The following NYNRIN variants were observed in gnomAD, a reference collection of about 807,000 sequenced individuals.
NYNRIN encodes the protein protein NYNRIN.
A neutral mutation model predicts 146.6 loss-of-function variants in NYNRIN; 86 were observed. The observed-to-expected ratio is 0.59, with a 90% confidence interval of 0.49 to 0.70. NYNRIN has a LOEUF of 0.70. NYNRIN is among the 30% of genes least tolerant of loss of function. The pLI, the probability that NYNRIN is intolerant of heterozygous loss-of-function variation, is 0.00. For missense variants in NYNRIN, 2,191 were observed against 2,377.7 expected (o/e 0.92, Z 1.63); for synonymous variants, 1,027 against 1,001.3 (o/e 1.03, Z -0.48).
At position 24,412,599 on chromosome 14, in the gene NYNRIN, A is replaced by G. The variant is rs2042919077; in HGVS notation, c.2643-398A>G. 2.1e-5 allele frequency: 4 copies of G among 192,768 alleles called. No individual in the cohort carries two copies. The South Asian group carries it at 3.8e-4, about 18-fold the overall frequency. The allele number at this position is 192,768 out of a possible 1,614,324, so 11.9% of individuals were successfully genotyped here. ...TAAAAGTATTATCTCATTCAGTTTA[A>G]TCCTCACAGCAACATGGGGTAGGTA... On this transcript the variant is annotated intron_variant, in intron 6 of 8. Transcript: ENST00000382554.
In NYNRIN at chr14:24,418,422, T is replaced by C. The variant is rs746043186; in HGVS notation, c.*976T>C. 16 of 372,028 alleles carry C rather than the reference T, an allele frequency of 4.3e-5. No individual in the cohort carries two copies. The highest frequency in any genetic ancestry group is 8.5e-5 in the Non-Finnish European group (16 of 188,478). The allele number at this position is 372,028 out of a possible 1,614,324, so 23.0% of individuals were successfully genotyped here. Reference sequence around the variant, plus strand: ...AGTCCTCTGCTCCTTCTACCTCCACTGTATCCTGCATCCCAGACCCTACAG... The same window carrying C: ...AGTCCTCTGCTCCTTCTACCTCCACCGTATCCTGCATCCCAGACCCTACAG... On this transcript the variant is annotated 3_prime_UTR_variant, in exon 9 of 9. Coordinates refer to ENST00000382554, the MANE Select transcript of NYNRIN (RefSeq NM_025081.3).
rs2042962495 is a variant in NYNRIN, at chr14:24,418,326, G to A, written c.*880G>A. On this transcript the variant is annotated 3_prime_UTR_variant, in exon 9 of 9. Transcript: ENST00000382554. Reference sequence around the variant, plus strand: ...TTAAGGGGGCAGGGCGTCTGCAACAGGAGTGGCACACGGTGAAGTGCTGGC... The same window carrying A: ...TTAAGGGGGCAGGGCGTCTGCAACAAGAGTGGCACACGGTGAAGTGCTGGC... The A allele has an allele frequency of 2.2e-6, 1 of 455,410 alleles. No individual in the cohort carries two copies. The highest frequency in any genetic ancestry group is 4.4e-6 in the Non-Finnish European group (1 of 226,378). The allele number at this position is 455,410 out of a possible 1,614,324, so 28.2% of individuals were successfully genotyped here. A position where few individuals can be genotyped will look rare whatever the true frequency, so the allele number is the denominator to read the frequency against.
rs764502613 is a variant in NYNRIN, at chr14:24,415,264, C to T, written c.3515C>T (p.Thr1172Met). Residue 1172 changes from threonine (T) to methionine (M), a missense_variant, in exon 9 of 9, where the codon ACG becomes ATG. Coordinates refer to ENST00000382554, the MANE Select transcript of NYNRIN (RefSeq NM_025081.3). The stretch of plus-strand genomic sequence containing the variant: ...GTGACCGTGAGCCACGTGGCCCTGA[C>T]GGCCATCCTCCATCAGGAGCACTCA... ...LEVTVSHVAL[T>M]AILHQEHSGR... The T allele has an allele frequency of 1.6e-5, 26 of 1,613,812 alleles. No homozygotes were observed. The highest frequency in any genetic ancestry group is 2.2e-5 in the East Asian group (1 of 44,870).
In NYNRIN at chr14:24,405,015, TGTGTGTGTGTGTGAGA is replaced by T. The variant is rs1452351793; in HGVS notation, c.199-2852_199-2837del. Among the ~76,000 whole-genome samples, 97 of 38,126 alleles carry T rather than the reference TGTGTGTGTGTGTGAGA, an allele frequency of 2.5e-3. 1 individual carries two copies. The highest frequency in any genetic ancestry group is 6.5e-3 in the African/African-American group (78 of 12,048). The allele number at this position is 38,126 out of a possible 152,430, so 25.0% of individuals were successfully genotyped here. ...AAGCCTGTGTGTGTGTGTGTGTGTGTGTGTGTGTGTGTGAGAGAATGTGTGTGTGTGAATGTGTGTG... is the reference window on the plus strand; with the variant it reads ...AAGCCTGTGTGTGTGTGTGTGTGTGTGAATGTGTGTGTGTGAATGTGTGTG... On this transcript the variant is annotated intron_variant, in intron 2 of 8. Coordinates refer to ENST00000382554, the MANE Select transcript of NYNRIN (RefSeq NM_025081.3).
At position 24,408,300 on chromosome 14, in the gene NYNRIN, C is replaced by A; in HGVS notation, c.630C>A (p.Gly210=). The change falls in exon 3 of 9, where the codon GGC becomes GGA. Residue 210 remains glycine, a synonymous_variant. Transcript: ENST00000382554. ...TCATCGAGTGGCTCAGCCGCTTCGG[C>A]ATCTCTGACTCCCACTCCGATCCGG... ...EDIIEWLSRF[G]ISDSHSDPEV... The A allele has an allele frequency of 1.2e-6, 2 of 1,613,168 alleles. No homozygotes were observed. Among genetic ancestry groups the A allele is most frequent in the Non-Finnish European group, 8.5e-7 (1 of 1,179,894 alleles).
At chr14:24,404,924 G>A (rs947277968) in intron 2 of NYNRIN, among the ~76,000 whole-genome samples, 9 of 151,808 alleles carry the variant, frequency 5.9e-5, no homozygotes, top group Admixed American at 3.3e-4. Flanking sequence ...GATCAACCTC[G>A]ACTCCTAAGA....
rs1193417040 is a variant in NYNRIN at position 24,408,045 on chromosome 14, G to A, written c.375G>A (p.Glu125=). The change falls in exon 3 of 9, where the codon GAG becomes GAA. Residue 125 remains glutamate (E), a synonymous_variant. Transcript: ENST00000382554. ...CCCTGATGGTGGGCGGGCTGACTGAGTCTTTCATCATGACACAGAACTGGC... is the reference window on the plus strand; with the variant it reads ...CCCTGATGGTGGGCGGGCTGACTGAATCTTTCATCATGACACAGAACTGGC... ...PGSLMVGGLT[E]SFIMTQNWLE... 3.1e-6 allele frequency: 5 copies of A among 1,613,900 alleles called. No homozygotes were observed. In the African/African-American group the frequency reaches 4.0e-5, roughly 13 times the overall value.
In NYNRIN at chr14:24,408,334, A is replaced by G. The variant is rs766253210; in HGVS notation, c.664A>G (p.Ile222Val). The G allele has an allele frequency of 3.1e-6, 5 of 1,613,634 alleles. No individual in the cohort carries two copies. Among genetic ancestry groups the G allele is most frequent in the Non-Finnish European group, 4.2e-6 (5 of 1,179,882 alleles). Residue 222 changes from isoleucine to valine, a missense_variant, in exon 3 of 9, where the codon ATC becomes GTC. Around this residue, in one of 3 missense-constraint regions of NYNRIN, gnomAD observed 895 missense variants for 941.2 expected, o/e 0.95. Coordinates refer to ENST00000382554, the MANE Select transcript of NYNRIN (RefSeq NM_025081.3). ...SDSHSDPEVL[I>V]CPPQQQKEAP... ...CTCCCACTCCGATCCGGAGGTTCTA[A>G]TCTGCCCTCCCCAGCAGCAGAAGGA...
At position 24,409,120 on chromosome 14, in the gene NYNRIN, A is replaced by G; in HGVS notation, c.1326A>G (p.Ala442=). The change falls in exon 4 of 9, where the codon GCA becomes GCG. Residue 442 remains alanine (A), a synonymous_variant. Transcript: ENST00000382554. Reference sequence around the variant, plus strand: ...CAGATGGGGGGCTGGGAGGAGAAGCAGCCCTGCAGAATTGCCCAAGGCCAG... The same window carrying G: ...CAGATGGGGGGCTGGGAGGAGAAGCGGCCCTGCAGAATTGCCCAAGGCCAG... The part of the protein sequence containing the change: ...GRPDGGLGGE[A]ALQNCPRPEI... The G allele has an allele frequency of 1.2e-6, 2 of 1,613,874 alleles. No homozygotes were observed. Among genetic ancestry groups the G allele is most frequent in the Non-Finnish European group, 1.7e-6 (2 of 1,179,860 alleles).
chr14:24,406,247 A>AAAATAAAAT (rs1471564698), intron 2 of NYNRIN, among the ~76,000 whole-genome samples: 11 of 151,038 alleles, frequency 7.3e-5, no homozygotes, highest in African/African-American at 2.7e-4. Flanking sequence ...AAAATAAAAT[A>AAAATAAAAT]AAATATTGGA....
rs1242784703 is a variant in NYNRIN, at chr14:24,411,054, T to C, written c.2415-22T>C. ...GGGAGGAGTGGTGAGGCAGGGTCTTTCCTTGTCCCACGACCCCACAGGCAT... is the reference window on the plus strand; with the variant it reads ...GGGAGGAGTGGTGAGGCAGGGTCTTCCCTTGTCCCACGACCCCACAGGCAT... On this transcript the variant is annotated intron_variant, in intron 4 of 8. Transcript: ENST00000382554. The surrounding 1 kb of genome is among the most constrained non-coding windows in gnomAD (Gnocchi z 4.3). 1 of 1,613,200 alleles carries C rather than the reference T, an allele frequency of 6.2e-7. No individual in the cohort carries two copies. The highest frequency in any genetic ancestry group is 1.7e-5 in the Admixed American group (1 of 59,926).
chr14:24,416,643 C>T lies in NYNRIN; in HGVS notation c.4894C>T (p.His1632Tyr). Residue 1632 changes from histidine (H) to tyrosine (Y), a missense_variant, in exon 9 of 9, where the codon CAT becomes TAT. Coordinates refer to ENST00000382554, the MANE Select transcript of NYNRIN (RefSeq NM_025081.3). ...CCCGGTCACCATAAGTGAGGAGGGC[C>T]ATAAGCATGTACTTATTGTGGCTGA... ...VGPVTISEEGHKHVLIVADPN... is the reference protein window; with the variant it reads ...VGPVTISEEGYKHVLIVADPN... 2 of 1,613,906 alleles carry T rather than the reference C, an allele frequency of 1.2e-6. No homozygotes were observed. Among genetic ancestry groups the T allele is most frequent in the South Asian group, 2.2e-5 (2 of 91,082 alleles).
intron 8 of NYNRIN, among the ~76,000 whole-genome samples, chr14:24,413,969 T>G (rs2042928569): frequency 1.3e-5 from 2 of 152,202 alleles, no homozygotes; most frequent in Admixed American, 1.3e-4. Flanking sequence ...CTGTCTTCAT[T>G]TTATAGATGA....
chr14:24,408,426 C>T lies in NYNRIN; in HGVS notation c.756C>T (p.Asn252=). ...GPFVDMGTLQ[N]RGPENSKRLS... ...TTGTGGACATGGGGACCCTCCAGAA[C>T]AGGGGCCCAGAAAATTCAAAGAGAT... Residue 252 remains asparagine (N), a synonymous_variant, in exon 3 of 9, where the codon AAC becomes AAT. Coordinates refer to ENST00000382554, the MANE Select transcript of NYNRIN (RefSeq NM_025081.3). 6.2e-7 allele frequency: 1 copy of T among 1,613,414 alleles called. No individual in the cohort carries two copies. The highest frequency in any genetic ancestry group is 8.5e-7 in the Non-Finnish European group (1 of 1,179,692).
intron 6 of NYNRIN, 56 bp from the exon 7 acceptor site, chr14:24,412,941 C>A: frequency 1.7e-6 from 2 of 1,169,328 alleles, no homozygotes; most frequent in Non-Finnish European, 1.2e-6. Context: ...CCCAGATGAC[C>A]CAGGAAGTGA....
In NYNRIN at chr14:24,408,762, GGCA is replaced by G; in HGVS notation, c.970_972del (p.Gln324del). ...CACACACAAGCCTTGTTGAAGCAAA[GGCA>G]GGTCCAGAAGATAGAAGATAAACTC... On this transcript the variant is annotated inframe_deletion, in exon 4 of 9. Coordinates refer to ENST00000382554, the MANE Select transcript of NYNRIN (RefSeq NM_025081.3). The G allele has an allele frequency of 6.2e-7, 1 of 1,613,968 alleles. No individual in the cohort carries two copies. The highest frequency in any genetic ancestry group is 8.5e-7 in the Non-Finnish European group (1 of 1,179,868).
Position 24,415,962 on chromosome 14 carries a change from C to G in NYNRIN, c.4213C>G (p.Leu1405Val). 1 of 1,613,926 alleles carries G rather than the reference C, an allele frequency of 6.2e-7. No homozygotes were observed. The highest frequency in any genetic ancestry group is 8.5e-7 in the Non-Finnish European group (1 of 1,179,886). ...RGFLSSDGAP[L>V]PHPSLLSYII... ...CTTCCTCTCCTCTGATGGGGCTCCA[C>G]TCCCTCACCCAAGCCTGCTCTCCTA... Residue 1405 changes from leucine to valine, a missense_variant, in exon 9 of 9, where the codon CTC becomes GTC. Leu to Val is a conservative substitution (Grantham distance 32). This residue lies in a region of NYNRIN where 1,291 missense variants were observed against 1,417.0 expected (regional missense o/e 0.91). Transcript: ENST00000382554.
At chr14:24,402,646 G>A (rs1010509263) in intron 2 of NYNRIN, among the ~76,000 whole-genome samples, 5 of 152,176 alleles carry the variant, frequency 3.3e-5, no homozygotes, top group African/African-American at 7.2e-5. Context: ...GTGCAAGTGA[G>A]TGGAGGAGTA....
At chr14:24,404,483 C>A (rs937666977) in intron 2 of NYNRIN, among the ~76,000 whole-genome samples, 1 of 152,302 alleles carries the variant, frequency 6.6e-6, no homozygotes, top group African/African-American at 2.4e-5. Context: ...TCTTCTCCCC[C>A]CTAGTTTCTC....
Sources: gnomAD v4.1 joint callset for allele counts (sites outside exome capture counted in the v4.1 genomes callset) on GRCh38, gnomAD v4.1.1 for gene constraint, gnomAD v4.1.1 regional missense constraint, Gnocchi (gnomAD v3.1) non-coding constraint, MANE v1.5 for transcripts, NCBI Gene and HGNC (gene_info 2026-07-23, HGNC 2026-07-21) for gene names.